The following U2SURP variants were observed in gnomAD, a reference collection of about 807,000 sequenced individuals.
U2SURP encodes U2 snRNP associated SURP domain containing.
In U2SURP, 9 loss-of-function variants were observed where a neutral mutation model predicts 144.9. The observed-to-expected ratio is 0.06, with a 90% confidence interval of 0.04 to 0.11. The LOEUF is 0.11. Among genes scored for constraint, U2SURP ranks in the 10% least tolerant of loss-of-function variants. U2SURP has a pLI of 1.00. For missense variants in U2SURP, 724 were observed against 1,226.7 expected, an observed-to-expected ratio of 0.59 and a Z score of 6.12; for synonymous variants, 408 against 396.8, an observed-to-expected ratio of 1.03 and a Z score of -0.33.
chr3:143,022,426 C>G lies in U2SURP; in HGVS notation c.853-71C>G, dbSNP rs1210318338. On this transcript the variant is annotated intron_variant, in intron 10 of 27. Transcript: ENST00000473835. ...GTTGCTTTTTATTTTGTAAAAACTA[C>G]TTTGTTTTCTGAAAATAATTTTTTC... The G allele has an allele frequency of 6.7e-5, 93 of 1,387,556 alleles. 1 individual carries two copies. In the East Asian group the frequency reaches 2.2e-3, roughly 33 times the overall value. The allele number at this position is 1,387,556 out of a possible 1,614,324, so 86.0% of individuals were successfully genotyped here.
In U2SURP at chr3:143,050,944, A is replaced by G. The variant is rs1934825157; in HGVS notation, c.2550A>G (p.Lys850=). The G allele has an allele frequency of 1.2e-6, 2 of 1,602,224 alleles. No individual in the cohort carries two copies. Among genetic ancestry groups the G allele is most frequent in the African/African-American group, 2.7e-5 (2 of 74,554 alleles). Reference sequence around the variant, plus strand: ...TAAAATATTTTATTTCACAGCTCAAAGTTATGAAGTTTCAGGATGAATTGG... The same window carrying G: ...TAAAATATTTTATTTCACAGCTCAAGGTTATGAAGTTTCAGGATGAATTGG... ...KRAKLREIEL[K]VMKFQDELES... is the part of the protein sequence containing the mutation. The change falls in exon 25 of 28, where the codon AAA becomes AAG. Residue 850 remains lysine, a synonymous_variant. Coordinates refer to ENST00000473835, the MANE Select transcript of U2SURP (RefSeq NM_001080415.2).
chr3:143,040,905 TG>T (rs1460006723), intron 23 of U2SURP, among the ~76,000 whole-genome samples: 1 of 151,912 alleles, frequency 6.6e-6, no homozygotes, highest in African/African-American at 2.4e-5. Context: ...ACATAAATGA[TG>T]TAATATTACT....
Position 143,056,780 on chromosome 3 carries a change from T to G in U2SURP, c.*330T>G. 5.1e-6 allele frequency: 1 copy of G among 196,016 alleles called. No homozygotes were observed. Among genetic ancestry groups the G allele is most frequent in the East Asian group, 1.2e-4 (1 of 8,312 alleles). The allele number at this position is 196,016 out of a possible 1,614,324, so 12.1% of individuals were successfully genotyped here. On this transcript the variant is annotated 3_prime_UTR_variant, in exon 28 of 28. Coordinates refer to ENST00000473835, the MANE Select transcript of U2SURP (RefSeq NM_001080415.2). Reference sequence around the variant, plus strand: ...ACTTAGCAAAAATAATACAGATGTCTTCCCCCCTTTTGTAGCTTTGACAAT... The same window carrying G: ...ACTTAGCAAAAATAATACAGATGTCGTCCCCCCTTTTGTAGCTTTGACAAT...
chr3:143,054,438 C>G (rs1474878695), intron 26 of U2SURP, among the ~76,000 whole-genome samples: 1 of 152,146 alleles, frequency 6.6e-6, no homozygotes, highest in Non-Finnish European at 1.5e-5. Flanking sequence ...AAGTCTGTCA[C>G]TTTTTTGACT....
intron 16 of U2SURP, among the ~76,000 whole-genome samples, chr3:143,032,364 CCCAG>C (rs1933552431): frequency 6.6e-6 from 1 of 152,196 alleles, no homozygotes; most frequent in African/African-American, 2.4e-5. Context: ...AGCCACCGCA[CCCAG>C]CCAGTCTTTT....
At position 143,019,995 on chromosome 3, in the gene U2SURP, GA is replaced by G. The variant is rs1197165132; in HGVS notation, c.604del (p.Ser202AlafsTer10). 3.9e-6 allele frequency: 6 copies of G among 1,520,074 alleles called. No individual in the cohort carries two copies. The highest frequency in any genetic ancestry group is 2.5e-5 in the South Asian group (2 of 79,588). 94.2% of individuals were successfully genotyped at this position (1,520,074 alleles called of 1,614,324 possible). ...PPLKKGEKEK[K>X]KSNLELFKEE... The stretch of plus-strand genomic sequence containing the variant: ...CACTTAAAAAAGGAGAGAAAGAAAA[GA>G]AAAAAAGCAATTTGGAACTCTTCAA... On this transcript the variant is annotated frameshift_variant, in exon 7 of 28. Coordinates refer to ENST00000473835, the MANE Select transcript of U2SURP (RefSeq NM_001080415.2). LOFTEE classifies it high-confidence loss of function.
rs1289991096 is a variant in U2SURP, at chr3:143,034,925, A to G, written c.1891A>G (p.Asn631Asp). ...GTTATGTCAGATATTTTCAGACCTC[A>G]ATGCCACCTATCGTACAATTCAAGG... ...TKLCQIFSDL[N>D]ATYRTIQGHL... Residue 631 changes from asparagine (N) to aspartate (D), a missense_variant, in exon 19 of 28, where the codon AAT (asparagine) becomes GAT (aspartate). This residue lies in a region of U2SURP where 116 missense variants were observed against 167.9 expected (regional missense o/e 0.69). Transcript: ENST00000473835. The G allele has an allele frequency of 6.2e-7, 1 of 1,606,380 alleles. No individual in the cohort carries two copies. The highest frequency in any genetic ancestry group is 1.3e-5 in the African/African-American group (1 of 74,740).
At chr3:143,010,910 C>T (rs1315636977) in intron 2 of U2SURP, 51 bp downstream of exon 2, 5 of 1,363,326 alleles carry the variant, frequency 3.7e-6, no homozygotes, top group African/African-American at 1.4e-5. Flanking sequence ...TTTAACTTCT[C>T]CTCATATGTA....
intron 16 of U2SURP, among the ~76,000 whole-genome samples, chr3:143,031,405 C>CAACCTTCTGCTACCACCACCCT (rs1933474690): frequency 2.0e-5 from 1 of 48,802 alleles, no homozygotes. Context: ...GCAGCCACCC[C>CAACCTTCTGCTACCACCACCCT]AACCTTCAGC....
Position 143,034,943 on chromosome 3 carries a change from A to G in U2SURP, c.1909A>G (p.Ile637Val). The G allele has an allele frequency of 1.3e-6, 2 of 1,584,142 alleles. No individual in the cohort carries two copies. The highest frequency in any genetic ancestry group is 1.7e-6 in the Non-Finnish European group (2 of 1,164,516). Residue 637 changes from isoleucine (I) to valine (V), a missense_variant, in exon 19 of 28, where the codon ATT (isoleucine) becomes GTT (valine). By Grantham distance (29) the Ile-to-Val change is conservative. Around this residue, in one of 13 missense-constraint regions of U2SURP, gnomAD observed 116 missense variants for 167.9 expected, o/e 0.69. Transcript: ENST00000473835. Reference protein sequence around the residue: ...FSDLNATYRTIQGHLQSENFK... With the variant: ...FSDLNATYRTVQGHLQSENFK... ...AGACCTCAATGCCACCTATCGTACA[A>G]TTCAAGGCCATTTACAATCTGAAAA...
At chr3:143,054,204 A>G (rs1194011505) in intron 26 of U2SURP, among the ~76,000 whole-genome samples, 1 of 152,236 alleles carries the variant, frequency 6.6e-6, no homozygotes, top group Non-Finnish European at 1.5e-5. Context: ...GGTTGTATAC[A>G]TAGGCCAAAG....
chr3:143,027,661 C>T (rs2108289640), intron 14 of U2SURP, among the ~76,000 whole-genome samples: 1 of 152,100 alleles, frequency 6.6e-6, no homozygotes, highest in South Asian at 2.1e-4. Context: ...TATGTATTTA[C>T]TATATTTTAT....
chr3:143,044,665 T>A (rs1934322622), intron 24 of U2SURP, among the ~76,000 whole-genome samples: 1 of 152,206 alleles, frequency 6.6e-6, no homozygotes, highest in African/African-American at 2.4e-5. Flanking sequence ...TGAGAGTGAA[T>A]TTTCATACTG....
At chr3:143,054,220 C>T (rs7652745) in intron 26 of U2SURP, among the ~76,000 whole-genome samples, 111,373 of 152,128 alleles carry the variant, frequency 0.73, 41,736 homozygotes, top group African/African-American at 0.91. Flanking sequence ...CAAAGCTCAC[C>T]TTAAGTCTTC....
Position 143,014,215 on chromosome 3 carries a change from C to T in U2SURP, c.223-96C>T, listed in dbSNP as rs112143607. The T allele has an allele frequency of 4.3e-4, 285 of 666,586 alleles. 1 individual carries two copies. The African/African-American group carries it at 4.9e-3, about 12-fold the overall frequency. The allele number at this position is 666,586 out of a possible 1,614,324, so 41.3% of individuals were successfully genotyped here. On this transcript the variant is annotated intron_variant, in intron 3 of 27. Coordinates refer to ENST00000473835, the MANE Select transcript of U2SURP (RefSeq NM_001080415.2). ...TACAATGAAATTTAAAAAAAAACGG[C>T]AGTCTATTCTGAAGACTTAGTTATC...
chr3:143,033,481 C>A, intron 18 of U2SURP, 131 bp downstream of exon 18: 1 of 561,092 alleles, frequency 1.8e-6, no homozygotes, highest in African/African-American at 1.9e-5. Context: ...CTGTGGGTTC[C>A]TTATCCATGA....
intron 13 of U2SURP, among the ~76,000 whole-genome samples, chr3:143,025,591 T>C (rs1933097637): frequency 6.6e-6 from 1 of 152,176 alleles, no homozygotes; most frequent in Admixed American, 6.6e-5. Context: ...TTCAAAATAA[T>C]GTCATTAACC....
chr3:143,038,609 A>T (rs1206673821), intron 22 of U2SURP, among the ~76,000 whole-genome samples: 3 of 151,922 alleles, frequency 2.0e-5, no homozygotes, highest in Non-Finnish European at 2.9e-5. Flanking sequence ...TCCTAGTGCT[A>T]ATAATCTAAT....
chr3:143,006,683 C>T (rs889744382), intron 1 of U2SURP, among the ~76,000 whole-genome samples: 7 of 151,898 alleles, frequency 4.6e-5, no homozygotes, highest in South Asian at 4.2e-4. Flanking sequence ...CGGAGGTTGC[C>T]GAGAGCCGAG....
Sources: gnomAD v4.1 joint callset for allele counts (sites outside exome capture counted in the v4.1 genomes callset) on GRCh38, gnomAD v4.1.1 for gene constraint, gnomAD v4.1.1 regional missense constraint, MANE v1.5 for transcripts, NCBI Gene and HGNC (gene_info 2026-07-23, HGNC 2026-07-21) for gene names.